The following ELOVL5 variants were observed in gnomAD, a reference collection of about 807,000 sequenced individuals.
ELOVL5 encodes the protein very long chain fatty acid elongase 5.
In ELOVL5, 8 loss-of-function variants were observed where a neutral mutation model predicts 38.6. The ratio of observed to expected loss-of-function variants is 0.21; its 90% confidence interval spans 0.12 to 0.37. ELOVL5 has a LOEUF of 0.37. ELOVL5 is among the 10% of genes least tolerant of loss of function. The pLI is 1.00. For synonymous variants in ELOVL5, 127 were observed against 133.7 expected, an observed-to-expected ratio of 0.95 and a Z score of 0.34; for missense variants, 280 against 367.8, an observed-to-expected ratio of 0.76 and a Z score of 1.95.
intron 5 of ELOVL5, 138 bp downstream of exon 5, chr6:53,274,952 A>G (rs745854155): frequency 6.4e-5 from 52 of 809,698 alleles, no homozygotes; most frequent in Non-Finnish European, 9.4e-5. Flanking sequence ...TACATAAACT[A>G]TCATTAAAAG....
intron 1 of ELOVL5, among the ~76,000 whole-genome samples, chr6:53,329,642 G>C (rs189857814): frequency 6.6e-6 from 1 of 152,064 alleles, no homozygotes; most frequent in African/African-American, 2.4e-5. Flanking sequence ...TGGCCAACAC[G>C]GTGAAACCCC....
At chr6:53,305,688 C>A (rs9474483) in intron 1 of ELOVL5, among the ~76,000 whole-genome samples, 2 of 149,524 alleles carry the variant, frequency 1.3e-5, no homozygotes, top group African/African-American at 5.0e-5. Context: ...GGTAGGATGG[C>A]GGCCGGGCAG....
intron 1 of ELOVL5, among the ~76,000 whole-genome samples, chr6:53,348,418 G>A (rs1332236751): frequency 6.6e-6 from 1 of 152,130 alleles, no homozygotes; most frequent in Non-Finnish European, 1.5e-5. Flanking sequence ...CCCGCCGCGC[G>A]CTCCGGCCCG....
chr6:53,310,077 C>G (rs983203887), intron 1 of ELOVL5, among the ~76,000 whole-genome samples: 1 of 152,200 alleles, frequency 6.6e-6, no homozygotes, highest in Non-Finnish European at 1.5e-5. Flanking sequence ...GACAACTCTA[C>G]TTCCCCTTGC....
At chr6:53,275,992 G>T (rs1478462192) in intron 4 of ELOVL5, among the ~76,000 whole-genome samples, 187 bp downstream of exon 4, 1 of 152,074 alleles carries the variant, frequency 6.6e-6, no homozygotes, top group Non-Finnish European at 1.5e-5. Flanking sequence ...GGATGCTTTA[G>T]GTTTTATTTT....
intron 1 of ELOVL5, among the ~76,000 whole-genome samples, chr6:53,338,519 A>G (rs1283880650): frequency 6.6e-6 from 1 of 152,218 alleles, no homozygotes; most frequent in East Asian, 1.9e-4. Flanking sequence ...ACCTGTTTCA[A>G]AGGGCAACTT....
chr6:53,281,440 G>C lies in ELOVL5; in HGVS notation c.247-5184C>G, dbSNP rs527745984. On this transcript the variant is annotated intron_variant, in intron 3 of 7. Coordinates refer to ENST00000304434, the MANE Select transcript of ELOVL5 (RefSeq NM_021814.5). Reference sequence around the variant, plus strand: ...AAGTGATAAGGATGGCCCAGGTCTTGGTACCACTGGGATTAGCACAAAGGA... The same window carrying C: ...AAGTGATAAGGATGGCCCAGGTCTTCGTACCACTGGGATTAGCACAAAGGA... Among the ~76,000 whole-genome samples, 5 of 152,136 alleles carry C rather than the reference G, an allele frequency of 3.3e-5. No homozygotes were observed. The South Asian group carries it at 1.0e-3, about 32-fold the overall frequency.
chr6:53,298,934 A>G (rs933431701), intron 1 of ELOVL5, among the ~76,000 whole-genome samples: 1 of 150,132 alleles, frequency 6.7e-6, no homozygotes, highest in Non-Finnish European at 1.5e-5. Context: ...TCAGGAGAGG[A>G]ACTTGTCAGA....
Position 53,295,585 on chromosome 6 carries a change from G to T in ELOVL5, c.58+57C>A, listed in dbSNP as rs3736732. 535,215 of 1,118,572 alleles carry T rather than the reference G, an allele frequency of 0.48. 134,865 individuals carry two copies. The highest frequency in any genetic ancestry group is 0.87 in the African/African-American group (55,098 of 63,210). The allele number at this position is 1,118,572 out of a possible 1,614,324, so 69.3% of individuals were successfully genotyped here. ...TATCTCCTCATGCAATATTTACAAG[G>T]GACTATAGGCAGGGAGTGATGCTGC... On this transcript the variant is annotated intron_variant, in intron 2 of 7. Transcript: ENST00000304434.
chr6:53,279,010 C>T (rs1322261790), intron 3 of ELOVL5, among the ~76,000 whole-genome samples: 1 of 152,046 alleles, frequency 6.6e-6, no homozygotes, highest in Non-Finnish European at 1.5e-5. Flanking sequence ...CCAAACATGC[C>T]CTTCCTTAAC....
At chr6:53,324,777 G>C (rs1462957887) in intron 1 of ELOVL5, among the ~76,000 whole-genome samples, 1 of 151,274 alleles carries the variant, frequency 6.6e-6, no homozygotes, top group African/African-American at 2.4e-5. Context: ...AGTTTGGAGA[G>C]AAAGCAGAGG....
At chr6:53,344,179 G>A (rs1275722389) in intron 1 of ELOVL5, among the ~76,000 whole-genome samples, 1 of 152,220 alleles carries the variant, frequency 6.6e-6, no homozygotes, top group African/African-American at 2.4e-5. Context: ...GGAATTGGAA[G>A]AAACAGCTAG....
chr6:53,340,957 T>C (rs1769298072), intron 1 of ELOVL5, among the ~76,000 whole-genome samples: 1 of 152,118 alleles, frequency 6.6e-6, no homozygotes, highest in Non-Finnish European at 1.5e-5. Context: ...ACCTTGTAAA[T>C]CAAACCAGAT....
chr6:53,318,997 C>T (rs931014858), intron 1 of ELOVL5, among the ~76,000 whole-genome samples: 1 of 151,780 alleles, frequency 6.6e-6, no homozygotes, highest in African/African-American at 2.4e-5. Context: ...AATATCTGAT[C>T]TGCAGGCCGG....
In ELOVL5 at chr6:53,269,139, C is replaced by T. The variant is rs2127564438; in HGVS notation, c.888G>A (p.Leu296=). The change falls in exon 8 of 8, where the codon CTG becomes CTA. Residue 296 remains leucine (L), a synonymous_variant. Transcript: ENST00000304434. The stretch of plus-strand genomic sequence containing the variant: ...CAATTCTTTGACTTCAATCCTTCCG[C>T]AGCTTCCTTGGCTTCACATTGTTTT... ...PLENNVKPRK[L]RKD 1 of 1,613,722 alleles carries T rather than the reference C, an allele frequency of 6.2e-7. No individual in the cohort carries two copies. The highest frequency in any genetic ancestry group is 2.2e-5 in the East Asian group (1 of 44,852).
intron 1 of ELOVL5, among the ~76,000 whole-genome samples, chr6:53,320,245 A>G (rs984906946): frequency 1.3e-5 from 2 of 152,114 alleles, no homozygotes; most frequent in Non-Finnish European, 2.9e-5. Flanking sequence ...TGAACCCAGG[A>G]GGCAGAGGTT....
At chr6:53,294,720 G>A (rs1377529565) in intron 2 of ELOVL5, among the ~76,000 whole-genome samples, 1 of 152,132 alleles carries the variant, frequency 6.6e-6, no homozygotes, top group African/African-American at 2.4e-5. Context: ...TCTTTTCAAT[G>A]GGCCATACAC....
intron 1 of ELOVL5, among the ~76,000 whole-genome samples, chr6:53,303,422 T>C (rs1299521609): frequency 6.6e-6 from 1 of 152,232 alleles, no homozygotes; most frequent in African/African-American, 2.4e-5. Flanking sequence ...AATCTATGCT[T>C]ATTCTCTTTC....
intron 1 of ELOVL5, among the ~76,000 whole-genome samples, chr6:53,305,071 C>T (rs1172745230): frequency 2.7e-5 from 4 of 150,154 alleles, no homozygotes; most frequent in African/African-American, 9.8e-5. Flanking sequence ...CCCCCCACCT[C>T]CCTCCCGGAC....
Sources: allele counts gnomAD v4.1 joint callset (sites outside exome capture counted in the v4.1 genomes callset), GRCh38; gene constraint gnomAD v4.1.1; transcripts MANE v1.5; gene names NCBI Gene and HGNC (gene_info 2026-07-23, HGNC 2026-07-21).